Variants in TENM4 observed in about 807,000 individuals in gnomAD.
TENM4 encodes teneurin-4.
A neutral mutation model predicts 243.3 loss-of-function variants in TENM4; 82 were observed. That is an observed-to-expected ratio of 0.34 (90% CI 0.28 to 0.40). The LOEUF is 0.40. Ranked by LOEUF, TENM4 falls within the 10% of genes least tolerant of loss-of-function variation. The pLI, the probability that TENM4 is intolerant of heterozygous loss-of-function variation, is 1.00. For missense variants in TENM4, 3,138 were observed against 3,673.3 expected, an observed-to-expected ratio of 0.85 and a Z score of 3.77; for synonymous variants, 1,412 against 1,456.3, an observed-to-expected ratio of 0.97 and a Z score of 0.69.
chr11:78,823,189 G>A (rs911787331), intron 12 of TENM4, among the ~76,000 whole-genome samples: 2 of 152,160 alleles, frequency 1.3e-5, no homozygotes, highest in African/African-American at 4.8e-5. Context: ...AGAGGCGAGC[G>A]CTCCCGGGAA....
chr11:78,854,739 G>A (rs1055409755), intron 11 of TENM4, among the ~76,000 whole-genome samples: 4 of 152,112 alleles, frequency 2.6e-5, no homozygotes, highest in East Asian at 3.9e-4. Flanking sequence ...GAGCAGAGGC[G>A]GGTGGCTGGG....
chr11:78,794,038 T>G (rs980710308), intron 15 of TENM4, among the ~76,000 whole-genome samples: 1 of 152,230 alleles, frequency 6.6e-6, no homozygotes, highest in Non-Finnish European at 1.5e-5. Flanking sequence ...TGTCTGTTTA[T>G]CCGTCTGTTC....
intron 1 of TENM4, among the ~76,000 whole-genome samples, chr11:79,402,735 G>A (rs1200503553): frequency 6.6e-6 from 1 of 152,128 alleles, no homozygotes; most frequent in African/African-American, 2.4e-5. Context: ...GATTTCATCA[G>A]TTCCCCCATA....
chr11:79,121,948 A>T (rs1406027311), intron 4 of TENM4, among the ~76,000 whole-genome samples: 1 of 152,216 alleles, frequency 6.6e-6, no homozygotes, highest in Non-Finnish European at 1.5e-5. Context: ...GCTCTGAAAA[A>T]TGAGAATATA....
chr11:79,090,345 A>T (rs753900187), intron 4 of TENM4, among the ~76,000 whole-genome samples: 1 of 152,254 alleles, frequency 6.6e-6, no homozygotes, highest in East Asian at 1.9e-4. Context: ...TTGGTTACAA[A>T]CACCACCTGA....
At chr11:79,272,654 C>T (rs919387608) in intron 2 of TENM4, among the ~76,000 whole-genome samples, 1 of 152,076 alleles carries the variant, frequency 6.6e-6, no homozygotes, top group Non-Finnish European at 1.5e-5. Context: ...CACACACACT[C>T]TGGCCTCTTC....
chr11:78,674,741 C>A (rs1214513146), intron 30 of TENM4, among the ~76,000 whole-genome samples: 4 of 152,242 alleles, frequency 2.6e-5, no homozygotes, highest in Admixed American at 2.6e-4. Flanking sequence ...AAGGCTGTTT[C>A]CCACAGTAGA....
In TENM4 at chr11:78,688,198, C is replaced by G. The variant is rs1383688319; in HGVS notation, c.5116G>C (p.Val1706Leu). Residue 1706 changes from valine to leucine, a missense_variant, in exon 29 of 34, where the codon GTG becomes CTG. This residue lies in a region of TENM4 where 2,467 missense variants were observed against 3,059.1 expected (regional missense o/e 0.81). Coordinates refer to ENST00000278550, the MANE Select transcript of TENM4 (RefSeq NM_001098816.3). Reference sequence around the variant, plus strand: ...CTCACCTGGCCAGTAGGGAAGGTCACATTTGTCAGGCGGCCAAAGCTGTCG... The same window carrying G: ...CTCACCTGGCCAGTAGGGAAGGTCAGATTTGTCAGGCGGCCAAAGCTGTCG... ...EYDSFGRLTN[V>L]TFPTGQVSSF... The G allele has an allele frequency of 1.2e-6, 2 of 1,613,668 alleles. No individual in the cohort carries two copies. The highest frequency in any genetic ancestry group is 2.7e-5 in the African/African-American group (2 of 75,044).
At chr11:78,898,479 T>G (rs1855846109) in intron 7 of TENM4, among the ~76,000 whole-genome samples, 1 of 152,156 alleles carries the variant, frequency 6.6e-6, no homozygotes, top group South Asian at 2.1e-4. Flanking sequence ...AAAAGCTGTT[T>G]AGGCTCCCAT....
intron 4 of TENM4, among the ~76,000 whole-genome samples, chr11:79,112,724 G>C (rs201768490): frequency 6.6e-6 from 1 of 152,092 alleles, no homozygotes; most frequent in Non-Finnish European, 1.5e-5. Flanking sequence ...ATTCCTAGGG[G>C]ATTGTTCCCA....
chr11:79,091,962 GC>G (rs58278360), intron 4 of TENM4, among the ~76,000 whole-genome samples: 1,907 of 152,096 alleles, frequency 0.013, 45 homozygotes, highest in African/African-American at 0.043. Context: ...TTCCTTAGAT[GC>G]CCTCCCACAT....
intron 2 of TENM4, among the ~76,000 whole-genome samples, chr11:79,234,416 A>C (rs549001141): frequency 6.6e-6 from 1 of 152,210 alleles, no homozygotes; most frequent in Non-Finnish European, 1.5e-5. Flanking sequence ...ATCTTATGTC[A>C]GTTCTTACTG....
At chr11:79,274,748 A>C (rs1050118340) in intron 2 of TENM4, among the ~76,000 whole-genome samples, 1 of 152,172 alleles carries the variant, frequency 6.6e-6, no homozygotes, top group African/African-American at 2.4e-5. Flanking sequence ...AGCCTGTTGT[A>C]GTAGAGAGGA....
chr11:78,889,780 C>T lies in TENM4; in HGVS notation c.1084+5G>A. ...CAAGGGGAGCTGGGGTGAAGAGGTG[C>T]TTACCCACAAAGTATGCCAGCAGGA... On this transcript the variant is annotated splice_donor_5th_base_variant and intron_variant, in intron 9 of 33. Coordinates refer to ENST00000278550, the MANE Select transcript of TENM4 (RefSeq NM_001098816.3). 1 of 1,551,876 alleles carries T rather than the reference C, an allele frequency of 6.4e-7. No homozygotes were observed. The highest frequency in any genetic ancestry group is 8.7e-7 in the Non-Finnish European group (1 of 1,146,956).
At chr11:78,897,393 G>A (rs1052299477) in intron 7 of TENM4, among the ~76,000 whole-genome samples, 1 of 152,144 alleles carries the variant, frequency 6.6e-6, no homozygotes, top group Non-Finnish European at 1.5e-5. Context: ...GTTGAGTCTT[G>A]TGAGTCCCAC....
chr11:79,335,407 A>G (rs1019941210), intron 1 of TENM4, among the ~76,000 whole-genome samples: 2 of 152,270 alleles, frequency 1.3e-5, no homozygotes, highest in Non-Finnish European at 2.9e-5. Flanking sequence ...CTAGTTTGCT[A>G]TAAGGCAGGT....
At chr11:78,697,607 T>G (rs1361780095) in intron 28 of TENM4, among the ~76,000 whole-genome samples, 1 of 152,200 alleles carries the variant, frequency 6.6e-6, no homozygotes, top group Non-Finnish European at 1.5e-5. Context: ...TCTATTTCCC[T>G]TCCATTCTGA....
At chr11:79,344,449 A>T (rs113627520) in intron 1 of TENM4, among the ~76,000 whole-genome samples, 61 of 152,210 alleles carry the variant, frequency 4.0e-4, no homozygotes, top group African/African-American at 1.5e-3. Context: ...CCATGAGGAG[A>T]TCTCATACCC....
intron 19 of TENM4, among the ~76,000 whole-genome samples, chr11:78,740,480 C>T (rs1440681934): frequency 6.6e-6 from 1 of 152,098 alleles, no homozygotes; most frequent in East Asian, 1.9e-4. Flanking sequence ...GCGGGTGAGG[C>T]TCAGCAAAGA....
Sources: allele counts gnomAD v4.1 joint callset (sites outside exome capture counted in the v4.1 genomes callset), GRCh38; gene constraint gnomAD v4.1.1; regional missense constraint gnomAD v4.1.1; transcripts MANE v1.5; gene names NCBI Gene and HGNC (gene_info 2026-07-23, HGNC 2026-07-21).